Variants in PKNOX2 observed in about 807,000 individuals in gnomAD.
The protein encoded by PKNOX2 is homeobox protein PKNOX2.
In PKNOX2, 14 loss-of-function variants were observed where a neutral mutation model predicts 53.1. The observed-to-expected ratio is 0.26, with a 90% CI of 0.17 to 0.41. The LOEUF is 0.41. PKNOX2 is among the 10% of genes least tolerant of loss of function. The pLI, the probability that PKNOX2 is intolerant of heterozygous loss-of-function variation, is 1.00. For synonymous variants in PKNOX2, 257 were observed against 242.8 expected (o/e 1.06, Z -0.54); for missense variants, 496 against 602.8 (o/e 0.82, Z 1.85).
chr11:125,358,469 C>T (rs1252213729), intron 4 of PKNOX2, among the ~76,000 whole-genome samples: 1 of 152,194 alleles, frequency 6.6e-6, no homozygotes. Context: ...AGTGACAGCC[C>T]AGGAAATGCA....
At chr11:125,306,135 C>A (rs2135981881) in intron 2 of PKNOX2, among the ~76,000 whole-genome samples, 1 of 152,272 alleles carries the variant, frequency 6.6e-6, no homozygotes, top group East Asian at 1.9e-4. Context: ...TTCACCAAGT[C>A]TCTCACACCC....
chr11:125,317,221 A>G lies in PKNOX2; in HGVS notation c.-129-14598A>G, dbSNP rs75628170. Among the ~76,000 whole-genome samples, 652 of 152,274 alleles carry G rather than the reference A, an allele frequency of 4.3e-3. 13 individuals carry two copies. In the East Asian group the frequency reaches 0.056, roughly 13 times the overall value. ...CACCACACCTGCAGCTATTCCTCCC[A>G]CTGAAATCTTGAACCCCTCAAAGTC... On this transcript the variant is annotated intron_variant, in intron 2 of 12. Transcript: ENST00000298282.
chr11:125,262,245 C>A (rs112032779), intron 2 of PKNOX2, among the ~76,000 whole-genome samples: 1 of 152,062 alleles, frequency 6.6e-6, no homozygotes, highest in African/African-American at 2.4e-5. Context: ...TATGCAGCTG[C>A]GTCTCCCCTT....
At chr11:125,252,687 A>G (rs1027868840) in intron 2 of PKNOX2, among the ~76,000 whole-genome samples, 3 of 152,102 alleles carry the variant, frequency 2.0e-5, no homozygotes, top group Non-Finnish European at 2.9e-5. Context: ...GTGGTACCCA[A>G]TGAGAGGTCC....
chr11:125,353,864 C>G (rs1289209713), intron 4 of PKNOX2, among the ~76,000 whole-genome samples: 6 of 152,050 alleles, frequency 3.9e-5, no homozygotes, highest in Admixed American at 3.9e-4. Context: ...CCAAGCTGAG[C>G]TGGTTCCCAA....
At chr11:125,359,729 C>T (rs1029196942) in intron 4 of PKNOX2, among the ~76,000 whole-genome samples, 18 of 152,334 alleles carry the variant, frequency 1.2e-4, no homozygotes, top group African/African-American at 4.3e-4. Context: ...CCGCCTGAAG[C>T]CTCAGTGGCC....
intron 1 of PKNOX2, among the ~76,000 whole-genome samples, chr11:125,234,010 C>T (rs1942458271): frequency 6.6e-6 from 1 of 152,230 alleles, no homozygotes; most frequent in Admixed American, 6.5e-5. Context: ...GCAGACCAGT[C>T]TCTGCGTCAT....
rs920662674 is a variant in PKNOX2 at position 125,165,788 on chromosome 11, G to A, written c.-201+1012G>A. On this transcript the variant is annotated intron_variant, in intron 1 of 12. Transcript: ENST00000298282. This position sits in a 1 kb window ranked among gnomAD's most constrained non-coding sequence, Gnocchi z 4.5. ...TTCTGGCTCGAGAACTAGGGGATGA[G>A]TTCGTAAAAGAGGGAACTGAAAGCG... Among the ~76,000 whole-genome samples the A allele has an allele frequency of 6.6e-6, 1 of 152,232 alleles. No homozygotes were observed. Among genetic ancestry groups the A allele is most frequent in the Non-Finnish European group, 1.5e-5 (1 of 68,044 alleles).
chr11:125,429,114 G>A (rs757301039), intron 11 of PKNOX2, 26 bp downstream of exon 11: 1 of 1,582,734 alleles, frequency 6.3e-7, no homozygotes, highest in Non-Finnish European at 8.7e-7. Flanking sequence ...CTGCATGCAG[G>A]CTCCCAGATC....
At chr11:125,279,024 G>A (rs1591510131) in intron 2 of PKNOX2, among the ~76,000 whole-genome samples, 1 of 152,196 alleles carries the variant, frequency 6.6e-6, no homozygotes, top group Admixed American at 6.5e-5. Context: ...TTCTCTCCTC[G>A]TGGTCACCAT....
chr11:125,181,225 G>T (rs753885246), intron 1 of PKNOX2, among the ~76,000 whole-genome samples: 1 of 152,232 alleles, frequency 6.6e-6, no homozygotes, highest in African/African-American at 2.4e-5. Context: ...GCTAGTAAGA[G>T]GAGAAGCCAG....
chr11:125,205,974 T>C (rs1939049613), intron 1 of PKNOX2, among the ~76,000 whole-genome samples: 1 of 152,042 alleles, frequency 6.6e-6, no homozygotes, highest in Non-Finnish European at 1.5e-5. Context: ...ACAGATTCTA[T>C]GTGCTAAGGG....
chr11:125,171,741 G>A (rs548664010), intron 1 of PKNOX2, among the ~76,000 whole-genome samples: 15 of 152,192 alleles, frequency 9.9e-5, no homozygotes, highest in Non-Finnish European at 1.8e-4. Flanking sequence ...TTCAACCAGC[G>A]TTGCACAAAT....
chr11:125,280,204 G>A (rs1020429178), intron 2 of PKNOX2, among the ~76,000 whole-genome samples: 4 of 151,460 alleles, frequency 2.6e-5, no homozygotes, highest in African/African-American at 7.3e-5. Context: ...GCTGAGAAAT[G>A]TGGTGAAGCG....
intron 2 of PKNOX2, among the ~76,000 whole-genome samples, chr11:125,309,794 A>G (rs569228936): frequency 6.6e-6 from 1 of 152,296 alleles, no homozygotes; most frequent in African/African-American, 2.4e-5. Context: ...CTCTCTGTAA[A>G]CACATTAACT....
intron 1 of PKNOX2, among the ~76,000 whole-genome samples, chr11:125,180,035 C>T (rs1243772786): frequency 6.6e-6 from 1 of 152,176 alleles, no homozygotes; most frequent in Non-Finnish European, 1.5e-5. Context: ...CGCACACGGG[C>T]CTTCTAGACA....
rs146645743 is a variant in PKNOX2 at position 125,392,021 on chromosome 11, C to G, written c.400-5853C>G. Among the ~76,000 whole-genome samples, 519 of 152,250 alleles carry G rather than the reference C, an allele frequency of 3.4e-3. 2 individuals are homozygous for G. Among genetic ancestry groups the G allele is most frequent in the African/African-American group, 0.012 (508 of 41,540 alleles). ...TAAACACAGGATAGAGGATGATTTACTAAACACAAATATGGGAGCAAAAAA... is the reference window on the plus strand; with the variant it reads ...TAAACACAGGATAGAGGATGATTTAGTAAACACAAATATGGGAGCAAAAAA... On this transcript the variant is annotated intron_variant, in intron 6 of 12. Transcript: ENST00000298282.
Position 125,367,998 on chromosome 11 carries a change from T to A in PKNOX2, c.227+13T>A. 1 of 1,610,018 alleles carries A rather than the reference T, an allele frequency of 6.2e-7. No homozygotes were observed. ...GAGCTGTATACAGGTAGGAGACACT[T>A]CAGCTGTGTCTACAGCCCTCAACCA... is the stretch of plus-strand genomic sequence containing the variant. On this transcript the variant is annotated intron_variant, in intron 5 of 12. Transcript: ENST00000298282.
chr11:125,262,154 A>G (rs1944902228), intron 2 of PKNOX2, among the ~76,000 whole-genome samples: 1 of 152,206 alleles, frequency 6.6e-6, no homozygotes, highest in South Asian at 2.1e-4. Context: ...TTGGTGTCAG[A>G]TCCAGCTCTA....
Sources: allele counts gnomAD v4.1 joint callset (sites outside exome capture counted in the v4.1 genomes callset), GRCh38; gene constraint gnomAD v4.1.1; non-coding constraint Gnocchi (gnomAD v3.1); transcripts MANE v1.5; gene names NCBI Gene and HGNC (gene_info 2026-07-23, HGNC 2026-07-21).